The following PNKD variants were observed in gnomAD, a reference collection of about 807,000 sequenced individuals.
The protein encoded by PNKD is probable thioesterase PNKD.
PNKD carries 36 observed loss-of-function variants against 45.3 expected under a neutral mutation model. The ratio of observed to expected loss-of-function variants is 0.80; its 90% CI spans 0.61 to 1.05. The LOEUF (loss-of-function observed/expected upper bound fraction) is 1.05. Ranked by LOEUF, PNKD falls within the 50% of genes least tolerant of loss-of-function variation. PNKD has a pLI of 0.00. For missense variants in PNKD, 511 were observed against 506.6 expected (o/e 1.01, Z -0.08); for synonymous variants, 197 against 210.1 (o/e 0.94, Z 0.54).
At position 218,272,844 on chromosome 2, in the gene PNKD, C is replaced by T; in HGVS notation, c.236+1295C>T. 6.8e-6 allele frequency: 11 copies of T among 1,608,628 alleles called. No individual in the cohort carries two copies. In the South Asian group the frequency reaches 1.1e-4, roughly 16 times the overall value. ...TTCCAGTTCGTGCCTCTGAGGTCCA[C>T]CAGAGGGCGCATGAAGCCCAGGCTG... On this transcript the variant is annotated intron_variant, in intron 2 of 9. Transcript: ENST00000273077.
At chr2:218,277,172 G>A (rs1473098615) in intron 2 of PNKD, 1 of 1,374,222 alleles carries the variant, frequency 7.3e-7, no homozygotes, top group Admixed American at 1.7e-5. Flanking sequence ...GCCCTGCCAG[G>A]GAGTCCCAGT....
intron 2 of PNKD, among the ~76,000 whole-genome samples, chr2:218,293,928 A>T (rs1406649139): frequency 2.8e-3 from 53 of 18,994 alleles, no homozygotes; most frequent in African/African-American, 0.014. Flanking sequence ...ACAGAGATTT[A>T]AAAAAAAAAA....
chr2:218,279,040 G>C, intron 2 of PNKD: 1 of 1,614,092 alleles, frequency 6.2e-7, no homozygotes, highest in Non-Finnish European at 8.5e-7. Flanking sequence ...ACACTCACTA[G>C]GACACGTAGT....
Position 218,278,910 on chromosome 2 carries a change from G to GA in PNKD, c.236+7364dup, listed in dbSNP as rs201637882. 2.0e-3 allele frequency: 2,118 copies of GA among 1,079,944 alleles called. 21 individuals are homozygous for GA. The African/African-American group carries it at 0.025, about 13-fold the overall frequency. 66.9% of individuals were successfully genotyped at this position (1,079,944 alleles called of 1,614,324 possible). On this transcript the variant is annotated intron_variant, in intron 2 of 9. Transcript: ENST00000273077. ...CGCACACCCACACCCTCTGGCACGG[G>GA]AAACTGGCACCAACTTGGGGGCCCT...
At chr2:218,300,364 TC>T (rs1693243205) in intron 2 of PNKD, among the ~76,000 whole-genome samples, 1 of 152,148 alleles carries the variant, frequency 6.6e-6, no homozygotes, top group African/African-American at 2.4e-5. Flanking sequence ...ACTCTCAGCC[TC>T]GACTTTGCTT....
chr2:218,339,788 G>C lies in PNKD; in HGVS notation c.242G>C (p.Ser81Thr). The change falls in exon 3 of 10, where the codon AGC (serine) becomes ACC (threonine). Residue 81 changes from serine to threonine, a missense_variant. By Grantham distance (58) the Ser-to-Thr change is moderately conservative. Coordinates refer to ENST00000273077, the MANE Select transcript of PNKD (RefSeq NM_015488.5). ...PMKAVGLAWY[S>T]LYTRTWLGYL... is the part of the protein sequence containing the mutation. ...GCCACCCACTCGCCCTCTAGGTACA[G>C]CCTGTACACCCGCACCTGGCTCGGG... The C allele has an allele frequency of 6.2e-7, 1 of 1,611,114 alleles. No homozygotes were observed. Among genetic ancestry groups the C allele is most frequent in the South Asian group, 1.1e-5 (1 of 90,936 alleles).
Position 218,344,990 on chromosome 2 carries a change from G to C in PNKD, c.*9G>C. 1 of 1,608,058 alleles carries C rather than the reference G, an allele frequency of 6.2e-7. No homozygotes were observed. The highest frequency in any genetic ancestry group is 8.5e-7 in the Non-Finnish European group (1 of 1,176,534). ...TGCACAAGAGCAAGTGATGCCCCCAGCGCCCCCAGCCCAGCCCACTCCCCG... is the reference window on the plus strand; with the variant it reads ...TGCACAAGAGCAAGTGATGCCCCCACCGCCCCCAGCCCAGCCCACTCCCCG... On this transcript the variant is annotated 3_prime_UTR_variant, in exon 10 of 10. Coordinates refer to ENST00000273077, the MANE Select transcript of PNKD (RefSeq NM_015488.5).
At chr2:218,282,129 T>G (rs1318799737) in intron 2 of PNKD, 14 of 1,512,992 alleles carry the variant, frequency 9.3e-6, no homozygotes, top group East Asian at 2.5e-5. Context: ...GGTGGGGCGC[T>G]GGGGTTGGAC....
rs192097560 is a variant in PNKD at position 218,314,486 on chromosome 2, G to T, written c.237-25297G>T. Among the ~76,000 whole-genome samples, 159 of 151,930 alleles carry T rather than the reference G, an allele frequency of 1.0e-3. 2 individuals are homozygous for T. Among genetic ancestry groups the T allele is most frequent in the South Asian group, 5.8e-3 (28 of 4,806 alleles). On this transcript the variant is annotated intron_variant, in intron 2 of 9. Coordinates refer to ENST00000273077, the MANE Select transcript of PNKD (RefSeq NM_015488.5). ...GATCCTCCCACCTTGGCCTCCCAAA[G>T]TGCTGGGATTACTTGTACTTTGGGT...
intron 2 of PNKD, among the ~76,000 whole-genome samples, chr2:218,331,305 G>A: frequency 6.6e-6 from 1 of 151,890 alleles, no homozygotes. Context: ...ACTTCGGGAG[G>A]CTGAGGCAGA....
chr2:218,275,353 G>A, intron 2 of PNKD: 1 of 1,360,722 alleles, frequency 7.3e-7, no homozygotes, highest in South Asian at 1.5e-5. Context: ...GGACAGAAAG[G>A]AAACTGGGCA....
In PNKD at chr2:218,344,832, C is replaced by T. The variant is rs1694784083; in HGVS notation, c.1009C>T (p.Arg337Cys). ...GTGCCCATCTACCCTGGGAGAGGAG[C>T]GCTCCTACAACCCGTTCCTGAGAAC... is the stretch of plus-strand genomic sequence containing the variant. ...GTCPSTLGEE[R>C]SYNPFLRTHC... The change falls in exon 10 of 10, where the codon CGC becomes TGC. Residue 337 changes from arginine to cysteine, a missense_variant. Arg to Cys is a radical substitution (Grantham distance 180). Coordinates refer to ENST00000273077, the MANE Select transcript of PNKD (RefSeq NM_015488.5). 7 of 1,613,912 alleles carry T rather than the reference C, an allele frequency of 4.3e-6. No homozygotes were observed. Among genetic ancestry groups the T allele is most frequent in the Non-Finnish European group, 5.9e-6 (7 of 1,179,816 alleles).
chr2:218,344,720 A>T, intron 9 of PNKD, 88 bp from the exon 10 acceptor site: 1 of 1,460,164 alleles, frequency 6.8e-7, no homozygotes, highest in Non-Finnish European at 9.6e-7. Flanking sequence ...CCTGAACTCC[A>T]GGATGGGGCA....
intron 2 of PNKD, among the ~76,000 whole-genome samples, chr2:218,315,457 A>T (rs760247589): frequency 6.6e-6 from 1 of 152,140 alleles, no homozygotes; most frequent in African/African-American, 2.4e-5. Flanking sequence ...GCGCCCGGCC[A>T]AGGATTTAAA....
intron 2 of PNKD, among the ~76,000 whole-genome samples, chr2:218,296,512 CT>C (rs138630172): frequency 3.1e-4 from 47 of 152,238 alleles, no homozygotes; most frequent in African/African-American, 1.1e-3. Flanking sequence ...ATCCAGAGAA[CT>C]TTCTCTGTTG....
chr2:218,310,989 G>A (rs915666372), intron 2 of PNKD, among the ~76,000 whole-genome samples: 1 of 152,168 alleles, frequency 6.6e-6, no homozygotes, highest in African/African-American at 2.4e-5. Flanking sequence ...GCAGGTTTGT[G>A]GCCTAGGAGA....
In PNKD at chr2:218,294,804, T is replaced by C. The variant is rs4672883; in HGVS notation, c.236+23255T>C. Among the ~76,000 whole-genome samples the C allele has an allele frequency of 8.2e-3, 1,253 of 152,318 alleles. 41 individuals are homozygous for C. The highest frequency in any genetic ancestry group is 0.081 in the East Asian group (421 of 5,174). ...CCAGCTTCTTTTCTAAGAGCATGAA[T>C]TCCATTCCAGAGGGTTCCGCCTTCA... On this transcript the variant is annotated intron_variant, in intron 2 of 9. Coordinates refer to ENST00000273077, the MANE Select transcript of PNKD (RefSeq NM_015488.5).
chr2:218,323,235 G>A (rs748897430), intron 2 of PNKD: 1 of 1,458,586 alleles, frequency 6.9e-7, no homozygotes, highest in South Asian at 1.3e-5. Flanking sequence ...GCAACGCCGA[G>A]CCCCGCCCGG....
chr2:218,300,833 C>T (rs1418380615), intron 2 of PNKD, among the ~76,000 whole-genome samples: 1 of 152,176 alleles, frequency 6.6e-6, no homozygotes, highest in Non-Finnish European at 1.5e-5. Flanking sequence ...GCATGCACCA[C>T]CACGCCTGGC....
Sources: allele counts gnomAD v4.1 joint callset (sites outside exome capture counted in the v4.1 genomes callset), GRCh38; gene constraint gnomAD v4.1.1; transcripts MANE v1.5; gene names NCBI Gene and HGNC (gene_info 2026-07-23, HGNC 2026-07-21).